Variants in CDV3 observed in about 807,000 individuals in gnomAD.
CDV3 encodes CDV3 homolog, also known as protein CDV3 homolog.
A neutral mutation model predicts 24.5 loss-of-function variants in CDV3; 14 were observed. That is an observed-to-expected ratio of 0.57 (90% CI 0.38 to 0.89). CDV3 has a LOEUF of 0.89. Among genes scored for constraint, CDV3 ranks in the 40% least tolerant of loss-of-function variants. The pLI is 0.00. For missense variants in CDV3, 304 were observed against 310.2 expected (o/e 0.98, Z 0.15); for synonymous variants, 114 against 114.1 (o/e 1.00, Z 0.00).
intron 3 of CDV3, among the ~76,000 whole-genome samples, chr3:133,585,291 T>C (rs1933476237): frequency 6.6e-6 from 1 of 152,120 alleles, no homozygotes; most frequent in African/African-American, 2.4e-5. Context: ...CCTCCCACCT[T>C]AGCTTCCCAA....
chr3:133,584,151 G>C lies in CDV3; in HGVS notation c.466+1G>C. On this transcript the variant is annotated splice_donor_variant, in intron 3 of 4. Coordinates refer to ENST00000264993, the MANE Select transcript of CDV3 (RefSeq NM_017548.5). LOFTEE classifies it high-confidence loss of function. ...CAAGCACCTCCTGCTCCAGTAATTGGTAATTTTACTATTTCAGTTTCAGAA... is the reference window on the plus strand; with the variant it reads ...CAAGCACCTCCTGCTCCAGTAATTGCTAATTTTACTATTTCAGTTTCAGAA... 1 of 1,587,398 alleles carries C rather than the reference G, an allele frequency of 6.3e-7. No individual in the cohort carries two copies. The highest frequency in any genetic ancestry group is 8.5e-7 in the Non-Finnish European group (1 of 1,170,746).
intron 2 of CDV3, among the ~76,000 whole-genome samples, chr3:133,578,338 GT>G (rs1331101004): frequency 6.6e-6 from 1 of 152,220 alleles, no homozygotes; most frequent in Admixed American, 6.5e-5. Flanking sequence ...GGTATACACT[GT>G]TGAGCATTTG....
At chr3:133,583,509 T>TA (rs1192965322) in intron 2 of CDV3, among the ~76,000 whole-genome samples, 1 of 152,174 alleles carries the variant, frequency 6.6e-6, no homozygotes, top group Non-Finnish European at 1.5e-5. Flanking sequence ...GTCTTGCTCT[T>TA]ATGTGGGGCT....
Position 133,583,396 on chromosome 3 carries a change from A to G in CDV3, c.318-606A>G, listed in dbSNP as rs1203162456. Among the ~76,000 whole-genome samples, 3 of 152,172 alleles carry G rather than the reference A, an allele frequency of 2.0e-5. No individual in the cohort carries two copies. The East Asian group carries it at 5.8e-4, about 29-fold the overall frequency. On this transcript the variant is annotated intron_variant, in intron 2 of 4. Transcript: ENST00000264993. ...GTTTGTACACTTTGGTGCAAGGAAA[A>G]TTTTGTAATTGTGCTCTTAATCCTT...
At chr3:133,580,441 G>A (rs909698192) in intron 2 of CDV3, among the ~76,000 whole-genome samples, 15 of 152,238 alleles carry the variant, frequency 9.9e-5, no homozygotes, top group East Asian at 3.9e-4. Flanking sequence ...AGTGGCTCAC[G>A]CCTGTAATCT....
chr3:133,584,220 AC>A (rs1344475348), intron 3 of CDV3, 70 bp downstream of exon 3: 20 of 1,160,594 alleles, frequency 1.7e-5, no homozygotes, highest in Non-Finnish European at 1.2e-6. Context: ...TCCACTTTCA[AC>A]TAAGTGCATG....
At position 133,583,988 on chromosome 3, in the gene CDV3, C is replaced by T; in HGVS notation, c.318-14C>T. The T allele has an allele frequency of 1.3e-6, 2 of 1,584,384 alleles. No homozygotes were observed. The highest frequency in any genetic ancestry group is 2.3e-5 in the South Asian group (2 of 86,808). ...TGGTGATTCCTTAATGAATTTACAT[C>T]TTTGCTTTTCCAGCAGTGAAAAGGA... On this transcript the variant is annotated splice_polypyrimidine_tract_variant and intron_variant, in intron 2 of 4. Coordinates refer to ENST00000264993, the MANE Select transcript of CDV3 (RefSeq NM_017548.5).
chr3:133,575,778 T>C (rs957055068), intron 2 of CDV3, among the ~76,000 whole-genome samples: 4 of 152,242 alleles, frequency 2.6e-5, no homozygotes, highest in Admixed American at 2.6e-4. Flanking sequence ...TTGGGTAGTT[T>C]AGAAGATTTG....
rs369098268 is a variant in CDV3, at chr3:133,586,633, A to G, written c.537A>G (p.Thr179=). 53 of 1,596,408 alleles carry G rather than the reference A, an allele frequency of 3.3e-5. No individual in the cohort carries two copies. Among genetic ancestry groups the G allele is most frequent in the Non-Finnish European group, 4.4e-5 (51 of 1,163,896 alleles). ...YRPPGARLTT[T]RKTPQGPPEI... is the part of the protein sequence containing the mutation. ...CTCCTGGGGCCAGGTTAACCACAAC[A>G]AGGAAAACACCACAAGGACCACCAG... The change falls in exon 4 of 5, where the codon ACA becomes ACG. Residue 179 remains threonine (T), a synonymous_variant. Coordinates refer to ENST00000264993, the MANE Select transcript of CDV3 (RefSeq NM_017548.5).
At chr3:133,578,672 A>C (rs554577322) in intron 2 of CDV3, among the ~76,000 whole-genome samples, 20 of 152,342 alleles carry the variant, frequency 1.3e-4, no homozygotes, top group African/African-American at 4.6e-4. Context: ...CCTCCAGGCC[A>C]GGCATAGCTG....
Position 133,587,910 on chromosome 3 carries a change from A to C in CDV3, c.641A>C (p.Glu214Ala). Residue 214 changes from glutamate (E) to alanine (A), a missense_variant, in exon 5 of 5, where the codon GAG becomes GCG. Glu to Ala is a moderately radical substitution (Grantham distance 107). This residue lies in a region of CDV3 where 56 missense variants were observed against 50.9 expected (regional missense o/e 1.10). Coordinates refer to ENST00000264993, the MANE Select transcript of CDV3 (RefSeq NM_017548.5). ...HVESRKDKEM[E>A]KSFEVVRHKN... is the part of the protein sequence containing the mutation. ...TTTTCCCTTAGGGATAAAGAAATGG[A>C]GAAGAGCTTTGAAGTAGTAAGACAC... 1 of 1,609,072 alleles carries C rather than the reference A, an allele frequency of 6.2e-7. No homozygotes were observed. The highest frequency in any genetic ancestry group is 8.5e-7 in the Non-Finnish European group (1 of 1,177,440).
At chr3:133,580,106 G>A (rs759352094) in intron 2 of CDV3, among the ~76,000 whole-genome samples, 1 of 151,988 alleles carries the variant, frequency 6.6e-6, no homozygotes, top group Non-Finnish European at 1.5e-5. Context: ...TTCTCCTAAC[G>A]CTATCCCTCC....
chr3:133,586,550 T>C lies in CDV3; in HGVS notation c.467-13T>C. ...TTTAAATAGTTTATCTAAAAATTGTTATAAAATATTAGTTACAGAAACCCC... is the reference window on the plus strand; with the variant it reads ...TTTAAATAGTTTATCTAAAAATTGTCATAAAATATTAGTTACAGAAACCCC... On this transcript the variant is annotated splice_polypyrimidine_tract_variant and intron_variant, in intron 3 of 4. Coordinates refer to ENST00000264993, the MANE Select transcript of CDV3 (RefSeq NM_017548.5). The C allele has an allele frequency of 1.4e-6, 2 of 1,427,850 alleles. No individual in the cohort carries two copies. The highest frequency in any genetic ancestry group is 1.9e-6 in the Non-Finnish European group (2 of 1,026,928). The allele number at this position is 1,427,850 out of a possible 1,614,324, so 88.4% of individuals were successfully genotyped here.
In CDV3 at chr3:133,576,841, C is replaced by CTTTTTTTTTTTTTTTTTTTTTTTTT. The variant is rs370619351; in HGVS notation, c.317+1749_317+1750insTTTTTTTTTTTTTTTTTTTTTTTTT. 3.2e-4 allele frequency among the ~76,000 whole-genome samples: 20 copies of CTTTTTTTTTTTTTTTTTTTTTTTTT among 62,390 alleles called. 8 individuals are homozygous for CTTTTTTTTTTTTTTTTTTTTTTTTT. The highest frequency in any genetic ancestry group is 4.6e-4 in the Admixed American group (2 of 4,336). 40.9% of individuals were successfully genotyped at this position (62,390 alleles called of 152,430 possible). A position where few individuals can be genotyped will look rare whatever the true frequency, so the allele number is the denominator to read the frequency against. On this transcript the variant is annotated intron_variant, in intron 2 of 4. Transcript: ENST00000264993. ...TCTGTTCAACCTGAAGGTAGACTAG[C>CTTTTTTTTTTTTTTTTTTTTTTTTT]TTTTTTTTTTTTTTTTTTTTTTTGA...
chr3:133,574,257 AG>A lies in CDV3; in HGVS notation c.217del (p.Ala73ProfsTer6). On this transcript the variant is annotated frameshift_variant, in exon 1 of 5. Coordinates refer to ENST00000264993, the MANE Select transcript of CDV3 (RefSeq NM_017548.5). LOFTEE classifies it high-confidence loss of function. ...CCGCCAGCGCGGGGGCTGCGGGCCCAGGGGCCGCCACCAAGGCTGTGACGAA... is the reference window on the plus strand; with the variant it reads ...CCGCCAGCGCGGGGGCTGCGGGCCCAGGGCCGCCACCAAGGCTGTGACGAA... ...GTASAGAAGP[G>X]AATKAVTKDE... 1 of 988,206 alleles carries A rather than the reference AG, an allele frequency of 1.0e-6. No individual in the cohort carries two copies. Among genetic ancestry groups the A allele is most frequent in the Non-Finnish European group, 1.2e-6 (1 of 832,408 alleles). The allele number at this position is 988,206 out of a possible 1,614,324, so 61.2% of individuals were successfully genotyped here.
chr3:133,588,480 C>G lies in CDV3; in HGVS notation c.*434C>G, dbSNP rs1396298065. On this transcript the variant is annotated 3_prime_UTR_variant, in exon 5 of 5. Coordinates refer to ENST00000264993, the MANE Select transcript of CDV3 (RefSeq NM_017548.5). ...GTCGATGTGAACCTTGCAACCAGCT[C>G]TACTGGATTCTTATCAGAAATCCTG... 4 of 997,408 alleles carry G rather than the reference C, an allele frequency of 4.0e-6. No individual in the cohort carries two copies. The highest frequency in any genetic ancestry group is 6.0e-6 in the Non-Finnish European group (4 of 670,928). 61.8% of individuals were successfully genotyped at this position (997,408 alleles called of 1,614,324 possible).
In CDV3 at chr3:133,588,376, A is replaced by T; in HGVS notation, c.*330A>T. 1 of 1,535,804 alleles carries T rather than the reference A, an allele frequency of 6.5e-7. No individual in the cohort carries two copies. The highest frequency in any genetic ancestry group is 8.7e-7 in the Non-Finnish European group (1 of 1,146,574). On this transcript the variant is annotated 3_prime_UTR_variant, in exon 5 of 5. Transcript: ENST00000264993. ...AGATACTGAGCCTTCATAAGGGTTG[A>T]CTACCTCAGATTTGCTGCACTCATT...
chr3:133,575,512 G>C (rs1037077266), intron 2 of CDV3, among the ~76,000 whole-genome samples: 8 of 152,330 alleles, frequency 5.3e-5, no homozygotes, highest in Middle Eastern at 3.4e-3. Flanking sequence ...TGTAATTGAA[G>C]TATATCATAC....
chr3:133,576,052 CTT>C (rs1303514742), intron 2 of CDV3, among the ~76,000 whole-genome samples: 3 of 152,230 alleles, frequency 2.0e-5, no homozygotes, highest in Non-Finnish European at 2.9e-5. Flanking sequence ...TGAAAACTGT[CTT>C]TTGACTTCTC....
Sources: gnomAD v4.1 joint callset for allele counts (sites outside exome capture counted in the v4.1 genomes callset) on GRCh38, gnomAD v4.1.1 for gene constraint, gnomAD v4.1.1 regional missense constraint, MANE v1.5 for transcripts, NCBI Gene and HGNC (gene_info 2026-07-23, HGNC 2026-07-21) for gene names.